The following SH3BP2 variants were observed in gnomAD, a reference collection of about 807,000 sequenced individuals.
SH3BP2 encodes the protein SH3 domain binding protein 2.
SH3BP2 carries 38 observed loss-of-function variants against 56.2 expected under a neutral mutation model. The ratio of observed to expected loss-of-function variants is 0.68; its 90% CI spans 0.52 to 0.89. The LOEUF is 0.89. Among genes scored for constraint, SH3BP2 ranks in the 40% least tolerant of loss-of-function variants. The probability of loss-of-function intolerance (pLI) is 0.00; values close to 1 mark genes in which losing one functional copy is unlikely to be tolerated. For synonymous variants in SH3BP2, 346 were observed against 316.7 expected, an observed-to-expected ratio of 1.09 and a Z score of -0.98; for missense variants, 748 against 762.6, an observed-to-expected ratio of 0.98 and a Z score of 0.23.
intron 1 of SH3BP2, among the ~76,000 whole-genome samples, chr4:2,794,640 C>A (rs960813915): frequency 6.6e-6 from 1 of 152,258 alleles, no homozygotes; most frequent in Non-Finnish European, 1.5e-5. Flanking sequence ...CAGCCAGGGC[C>A]ATCTGGTGAG....
intron 10 of SH3BP2, 155 bp downstream of exon 10, chr4:2,832,133 C>T (rs1167799818): frequency 8.1e-6 from 8 of 984,248 alleles, no homozygotes; most frequent in Non-Finnish European, 1.3e-5. Context: ...CCTGCTCTGT[C>T]CCATGCCCAG....
At position 2,824,712 on chromosome 4, in the gene SH3BP2, C is replaced by T; in HGVS notation, c.339C>T (p.Ser113=). The change falls in exon 4 of 13, where the codon TCC becomes TCT. Residue 113 remains serine, a synonymous_variant. Coordinates refer to ENST00000503393, the MANE Select transcript of SH3BP2 (RefSeq NM_001122681.2). ...ACCGCACGTGGTTCTTCTCGGCCTC[C>T]TCCGAGGAGGAGCGCAAGGTGACTG... ...KKHRTWFFSA[S]SEEERKSWMA... 6.2e-7 allele frequency: 1 copy of T among 1,612,716 alleles called. No homozygotes were observed. Among genetic ancestry groups the T allele is most frequent in the Non-Finnish European group, 8.5e-7 (1 of 1,178,858 alleles).
At chr4:2,814,635 C>T (rs1723914579) in intron 1 of SH3BP2, among the ~76,000 whole-genome samples, 1 of 152,234 alleles carries the variant, frequency 6.6e-6, no homozygotes, top group Non-Finnish European at 1.5e-5. Context: ...TTTGGCCGCC[C>T]AACGCTGGCC....
At chr4:2,824,119 C>T (rs1291638510) in intron 3 of SH3BP2, among the ~76,000 whole-genome samples, 21 of 152,196 alleles carry the variant, frequency 1.4e-4, no homozygotes. Flanking sequence ...GCCCCGGTGC[C>T]TGGCTGGCAG....
intron 8 of SH3BP2, among the ~76,000 whole-genome samples, chr4:2,830,903 C>T (rs954366972): frequency 2.6e-5 from 4 of 152,236 alleles, no homozygotes; most frequent in African/African-American, 9.6e-5. Context: ...TCTGCGAACA[C>T]CTCTGAGATG....
intron 2 of SH3BP2, among the ~76,000 whole-genome samples, chr4:2,822,410 C>A (rs1215120456): frequency 6.6e-6 from 1 of 152,202 alleles, no homozygotes; most frequent in African/African-American, 2.4e-5. Flanking sequence ...ACTCTTGTCA[C>A]CCAGGCTGGA....
At chr4:2,814,470 G>C (rs1399945326) in intron 1 of SH3BP2, among the ~76,000 whole-genome samples, 1 of 152,008 alleles carries the variant, frequency 6.6e-6, no homozygotes, top group Non-Finnish European at 1.5e-5. Flanking sequence ...GTGTATCCCA[G>C]GTGCCCCGTC....
chr4:2,823,060 G>T, intron 3 of SH3BP2, 23 bp downstream of exon 3: 1 of 1,556,916 alleles, frequency 6.4e-7, no homozygotes, highest in South Asian at 1.1e-5. Context: ...CCTGCCTGCT[G>T]ACCTCGGGCC....
intron 1 of SH3BP2, chr4:2,818,857 G>T: frequency 1.0e-6 from 1 of 985,888 alleles, no homozygotes; most frequent in South Asian, 4.7e-5. Flanking sequence ...ACAGCCTGAT[G>T]CCTTGAAGAC....
chr4:2,812,144 T>G, intron 1 of SH3BP2: 3 of 1,396,682 alleles, frequency 2.1e-6, no homozygotes, highest in Non-Finnish European at 1.9e-6. Flanking sequence ...AAAACCCGGA[T>G]GGTGGATGAG....
chr4:2,802,404 A>ATATGTGTGTGTGTG (rs1265150804), intron 1 of SH3BP2, among the ~76,000 whole-genome samples: 3 of 135,976 alleles, frequency 2.2e-5, no homozygotes, highest in South Asian at 2.4e-4. Context: ...AAAAAAATAT[A>ATATGTGTGTGTGTG]TGTGTGTGTG....
rs536877452 is a variant in SH3BP2 at position 2,822,477 on chromosome 4, C to T, written c.137-458C>T. On this transcript the variant is annotated intron_variant, in intron 2 of 12. Transcript: ENST00000503393. ...CTCTGACTCCCGGGTTCAAGCAATT[C>T]TCCTGCTTCAGCCTCCTGAGTAGCT... Among the ~76,000 whole-genome samples the T allele has an allele frequency of 2.6e-4, 39 of 152,340 alleles. No individual in the cohort carries two copies. In the South Asian group the frequency reaches 7.9e-3, roughly 31 times the overall value.
chr4:2,801,029 TG>T (rs1393149046), intron 1 of SH3BP2, among the ~76,000 whole-genome samples: 3 of 123,226 alleles, frequency 2.4e-5, no homozygotes, highest in Non-Finnish European at 5.7e-5. Context: ...GGCCTGGCCT[TG>T]GGAAGGGGGC....
intron 2 of SH3BP2, among the ~76,000 whole-genome samples, chr4:2,821,554 C>G (rs989778167): frequency 6.6e-6 from 1 of 152,206 alleles, no homozygotes; most frequent in Admixed American, 6.5e-5. Context: ...GCTCCTGAGT[C>G]TCCCTCTTTT....
chr4:2,807,301 C>CT (rs1723575081), intron 1 of SH3BP2, among the ~76,000 whole-genome samples: 1 of 152,190 alleles, frequency 6.6e-6, no homozygotes, highest in Non-Finnish European at 1.5e-5. Flanking sequence ...TTTTTTCACT[C>CT]TGAGCTCTGA....
At chr4:2,824,507 G>T in intron 3 of SH3BP2, 106 bp from the exon 4 acceptor site, 2 of 854,382 alleles carry the variant, frequency 2.3e-6, no homozygotes, top group Non-Finnish European at 4.0e-6. Flanking sequence ...GCCCTCTTCC[G>T]TTGGGGCGTG....
chr4:2,814,791 T>G (rs1274212647), intron 1 of SH3BP2: 2 of 151,662 alleles, frequency 1.3e-5, no homozygotes, highest in East Asian at 3.9e-4. Flanking sequence ...AACCCAGATC[T>G]TCAGCACTCT....
At chr4:2,793,769 A>C (rs992038908) in intron 1 of SH3BP2, 7 of 152,156 alleles carry the variant, frequency 4.6e-5, no homozygotes, top group Non-Finnish European at 1.0e-4. Context: ...TGAGTGACTG[A>C]TAGCCGGGCG....
intron 1 of SH3BP2, chr4:2,818,633 C>T (rs1204175306): frequency 2.5e-6 from 2 of 809,212 alleles, no homozygotes; most frequent in South Asian, 5.8e-5. Context: ...CACGGGGCTC[C>T]CTCCTCCATC....
Sources: allele counts gnomAD v4.1 joint callset (sites outside exome capture counted in the v4.1 genomes callset), GRCh38; gene constraint gnomAD v4.1.1; transcripts MANE v1.5; gene names NCBI Gene and HGNC (gene_info 2026-07-23, HGNC 2026-07-21).